The following ZNF273 variants were observed in gnomAD, a reference collection of about 807,000 sequenced individuals.
The protein encoded by ZNF273 is zinc finger protein 273.
A neutral mutation model predicts 14.9 loss-of-function variants in ZNF273; 11 were observed. The observed-to-expected ratio is 0.74, with a 90% confidence interval of 0.46 to 1.22. The LOEUF is 1.22. ZNF273 is among the 50% of genes most tolerant of loss of function. The probability of loss-of-function intolerance (pLI) is 0.00; values close to 1 mark genes in which losing one functional copy is unlikely to be tolerated. For synonymous variants in ZNF273, 199 were observed against 223.9 expected (o/e 0.89, Z 0.99); for missense variants, 577 against 660.6 (o/e 0.87, Z 1.39).
chr7:64,890,580 T>A (rs1336758573), downstream of ZNF273, among the ~76,000 whole-genome samples: 1 of 152,144 alleles, frequency 6.6e-6, no homozygotes, highest in Non-Finnish European at 1.5e-5. Flanking sequence ...TGGAAGCCAC[T>A]GTCTCAGAGT....
downstream of ZNF273, among the ~76,000 whole-genome samples, chr7:64,931,216 CTAATT>C (rs1165728384): frequency 2.0e-5 from 3 of 151,998 alleles, no homozygotes; most frequent in Admixed American, 1.3e-4. Context: ...AATAAGGTGA[CTAATT>C]TATTAGAAAA....
chr7:64,880,383 T>A (rs954025543), downstream of ZNF273: 3 of 152,140 alleles, frequency 2.0e-5, no homozygotes, highest in Non-Finnish European at 2.9e-5. Context: ...TTGTATTCCC[T>A]GGGGCTGCCC....
At chr7:64,902,738 AAAG>A (rs1307461904), upstream of ZNF273, among the ~76,000 whole-genome samples, 1 of 152,184 alleles carries the variant, frequency 6.6e-6, no homozygotes, top group Non-Finnish European at 1.5e-5. Context: ...AAAAAGAAAG[AAAG>A]AAAACTGGAA....
At chr7:64,923,728 A>T (rs1232383506) in intron 3 of ZNF273, 1 of 190,780 alleles carries the variant, frequency 5.2e-6, no homozygotes, top group Non-Finnish European at 1.1e-5. Flanking sequence ...TTCAGTAACA[A>T]TGGTATAATA....
At chr7:64,922,347 G>A (rs1794529729) in intron 3 of ZNF273, among the ~76,000 whole-genome samples, 3 of 151,124 alleles carry the variant, frequency 2.0e-5, no homozygotes, top group Admixed American at 1.3e-4. Flanking sequence ...TTTTCCCCCG[G>A]AGACAGAGTC....
chr7:64,918,882 A>C (rs773115751), intron 3 of ZNF273, among the ~76,000 whole-genome samples: 1 of 151,980 alleles, frequency 6.6e-6, no homozygotes, highest in African/African-American at 2.4e-5. Context: ...AGGAAACTGC[A>C]CAATCTTACT....
intron 1 of ZNF273, among the ~76,000 whole-genome samples, chr7:64,886,697 C>A (rs1791602451): frequency 6.6e-6 from 1 of 152,194 alleles, no homozygotes; most frequent in African/African-American, 2.4e-5. Context: ...GGTGAAGGAT[C>A]TTAACCAAAG....
At position 64,927,249 on chromosome 7, in the gene ZNF273, C is replaced by T. The variant is rs529178574; in HGVS notation, c.326-405C>T. Reference sequence around the variant, plus strand: ...CTGGGATTACAGGCATGTGCCACACCCGGCTAATTTTTGTGGTTTTACCAG... The same window carrying T: ...CTGGGATTACAGGCATGTGCCACACTCGGCTAATTTTTGTGGTTTTACCAG... On this transcript the variant is annotated intron_variant, in intron 3 of 3. Transcript: ENST00000476120. Among the ~76,000 whole-genome samples, 4 of 152,176 alleles carry T rather than the reference C, an allele frequency of 2.6e-5. No individual in the cohort carries two copies. The South Asian group carries it at 8.3e-4, about 32-fold the overall frequency.
downstream of ZNF273, among the ~76,000 whole-genome samples, chr7:64,892,746 G>A (rs1202384212): frequency 3.9e-5 from 6 of 152,210 alleles, no homozygotes; most frequent in Non-Finnish European, 7.3e-5. Context: ...CACAGGGCAC[G>A]AAAGATTGGT....
intron 1 of ZNF273, among the ~76,000 whole-genome samples, chr7:64,913,267 T>C (rs1793700285): frequency 6.6e-6 from 1 of 152,250 alleles, no homozygotes. Flanking sequence ...TGTCTATATT[T>C]TGTTTTTATT....
At chr7:64,903,259 T>G, upstream of ZNF273, 1 of 1,417,220 alleles carries the variant, frequency 7.1e-7, no homozygotes, top group Non-Finnish European at 9.9e-7. Flanking sequence ...CTTCCGGGAT[T>G]TGGCGGGGCC....
Position 64,928,952 on chromosome 7 carries a change from T to C in ZNF273, c.1624T>C (p.Tyr542His). ...GAAAATTCATACTGGAGAGAAACCA[T>C]ACAAACCTAAAAGATGTGACAGTGC... Reference protein sequence around the residue: ...HKKIHTGEKPYKPKRCDSAFD... With the variant: ...HKKIHTGEKPHKPKRCDSAFD... Residue 542 changes from tyrosine to histidine, a missense_variant, in exon 4 of 4, where the codon TAC becomes CAC. Physicochemically the swap from Tyr to His is moderately conservative, Grantham distance 83. Transcript: ENST00000476120. 6.2e-7 allele frequency: 1 copy of C among 1,610,986 alleles called. No individual in the cohort carries two copies. Among genetic ancestry groups the C allele is most frequent in the Non-Finnish European group, 8.5e-7 (1 of 1,178,810 alleles).
At chr7:64,890,203 TGTGTGTGTGTGTGTGTGTGAGA>T (rs929835992), downstream of ZNF273, 5 of 31,578 alleles carry the variant, frequency 1.6e-4, no homozygotes, top group African/African-American at 3.8e-4. Context: ...TGTGTGTGTG[TGTGTGTGTGTGTGTGTGTGAGA>T]GAGAGAGAGA....
At position 64,929,855 on chromosome 7, in the gene ZNF273, G is replaced by GT. The variant is rs376550406; in HGVS notation, c.*823dup. ...TTTTTTTTTTTGGTTTTGGTTTTGG[G>GT]TTTTTTGTTTGTTTGTTTGTTTGTT... On this transcript the variant is annotated 3_prime_UTR_variant, in exon 4 of 4. Transcript: ENST00000476120. 100 of 148,054 alleles carry GT rather than the reference G, an allele frequency of 6.8e-4. No individual in the cohort carries two copies. The highest frequency in any genetic ancestry group is 1.9e-3 in the South Asian group (9 of 4,842). The allele number at this position is 148,054 out of a possible 1,614,324, so 9.2% of individuals were successfully genotyped here.
chr7:64,915,643 A>G (rs1372466162), intron 1 of ZNF273, among the ~76,000 whole-genome samples: 2 of 152,174 alleles, frequency 1.3e-5, no homozygotes, highest in Middle Eastern at 6.8e-3. Flanking sequence ...TAAACCCACA[A>G]CCTTCCAGCG....
exon 2 of ZNF273, chr7:64,888,623 C>A: frequency 3.0e-6 from 3 of 985,840 alleles, no homozygotes; most frequent in Non-Finnish European, 3.6e-6. Context: ...CCAGCAGGAG[C>A]GGGGCGGCCT....
At chr7:64,894,771 G>T (rs1792257690), downstream of ZNF273, among the ~76,000 whole-genome samples, 1 of 152,072 alleles carries the variant, frequency 6.6e-6, no homozygotes, top group Non-Finnish European at 1.5e-5. Context: ...TAACTACAGT[G>T]ATGGGCATTC....
downstream of ZNF273, chr7:64,893,693 T>TCCCCA (rs1792184794): frequency 1.8e-3 from 41 of 23,036 alleles, no homozygotes; most frequent in African/African-American, 5.8e-3. Context: ...CCCCTCCCCC[T>TCCCCA]CCCCTCCCCC....
upstream of ZNF273, among the ~76,000 whole-genome samples, chr7:64,901,119 T>A (rs1393971197): frequency 1.3e-5 from 2 of 152,042 alleles, no homozygotes; most frequent in African/African-American, 4.8e-5. Flanking sequence ...TCTCATACCT[T>A]AGCCTCCCGA....
Sources: gnomAD v4.1 joint callset for allele counts (sites outside exome capture counted in the v4.1 genomes callset) on GRCh38, gnomAD v4.1.1 for gene constraint, MANE v1.5 for transcripts, NCBI Gene and HGNC (gene_info 2026-07-23, HGNC 2026-07-21) for gene names.